Variants in CFAP300 observed in about 807,000 individuals in gnomAD.
CFAP300 encodes the protein cilia and flagella associated protein 300.
CFAP300 carries 32 observed loss-of-function variants against 33.0 expected under a neutral mutation model. The ratio of observed to expected loss-of-function variants is 0.97; its 90% CI spans 0.73 to 1.30. CFAP300 has a LOEUF of 1.30. Ranked by LOEUF, CFAP300 falls within the 50% of genes most tolerant of loss-of-function variation. CFAP300 has a pLI of 0.00. For missense variants in CFAP300, 356 were observed against 318.1 expected (o/e 1.12, Z -0.90); for synonymous variants, 102 against 106.8 (o/e 0.95, Z 0.28).
chr11:102,049,601 C>T (rs1941938620), intron 2 of CFAP300, among the ~76,000 whole-genome samples: 1 of 152,090 alleles, frequency 6.6e-6, no homozygotes, highest in East Asian at 1.9e-4. Flanking sequence ...TTCTCAAATA[C>T]TCATGGTTAG....
intron 3 of CFAP300, among the ~76,000 whole-genome samples, chr11:102,061,496 G>A (rs550084467): frequency 6.7e-4 from 102 of 152,180 alleles, no homozygotes; most frequent in African/African-American, 2.0e-3. Context: ...TCAGCCAGCC[G>A]CCATAGCTCC....
At chr11:102,074,676 G>A (rs535682338) in intron 4 of CFAP300, among the ~76,000 whole-genome samples, 13 of 149,798 alleles carry the variant, frequency 8.7e-5, no homozygotes, top group Non-Finnish European at 1.8e-4. Context: ...TATTATTTGG[G>A]TCTTATTATA....
At chr11:102,055,659 T>A (rs1471829517) in intron 2 of CFAP300, among the ~76,000 whole-genome samples, 2 of 144,734 alleles carry the variant, frequency 1.4e-5, no homozygotes, top group African/African-American at 5.2e-5. Context: ...TATACATTAC[T>A]CCTAAACTAC....
At chr11:102,078,810 G>A (rs1463887035) in intron 5 of CFAP300, among the ~76,000 whole-genome samples, 1 of 152,132 alleles carries the variant, frequency 6.6e-6, no homozygotes, top group East Asian at 1.9e-4. Flanking sequence ...CCGAGTTCAA[G>A]CAATTCTCGT....
At chr11:102,049,414 A>G (rs1394176645) in intron 2 of CFAP300, among the ~76,000 whole-genome samples, 1 of 152,160 alleles carries the variant, frequency 6.6e-6, no homozygotes, top group Non-Finnish European at 1.5e-5. Flanking sequence ...TACATCAGCA[A>G]CAACGCTAAT....
chr11:102,058,765 A>C (rs1360838669), intron 2 of CFAP300, 115 bp from the exon 3 acceptor site: 2 of 643,928 alleles, frequency 3.1e-6, no homozygotes, highest in African/African-American at 3.8e-5. Flanking sequence ...ACATTTTACC[A>C]ATTTAAAATT....
At chr11:102,070,110 A>G (rs1000526976) in intron 4 of CFAP300, among the ~76,000 whole-genome samples, 1 of 152,232 alleles carries the variant, frequency 6.6e-6, no homozygotes, top group Non-Finnish European at 1.5e-5. Context: ...CATGGGCCTC[A>G]ATAACACATC....
chr11:102,070,938 T>C (rs1464124381), intron 4 of CFAP300, among the ~76,000 whole-genome samples: 1 of 152,206 alleles, frequency 6.6e-6, no homozygotes, highest in East Asian at 1.9e-4. Flanking sequence ...TTTTTAAGTG[T>C]GTTGAGACTT....
intron 5 of CFAP300, among the ~76,000 whole-genome samples, chr11:102,076,458 G>A (rs1036141189): frequency 2.6e-5 from 4 of 152,200 alleles, no homozygotes; most frequent in Non-Finnish European, 5.9e-5. Flanking sequence ...GAATTTTCAC[G>A]TAGGTGTAAT....
chr11:102,076,183 C>A (rs1291114767), intron 5 of CFAP300, 138 bp downstream of exon 5: 7 of 808,128 alleles, frequency 8.7e-6, no homozygotes, highest in African/African-American at 3.6e-5. Context: ...CCTTACCCCC[C>A]TCTCATAACC....
chr11:102,051,215 A>G (rs1941964625), intron 2 of CFAP300, among the ~76,000 whole-genome samples: 1 of 152,212 alleles, frequency 6.6e-6, no homozygotes, highest in Non-Finnish European at 1.5e-5. Flanking sequence ...GGTACATACA[A>G]GTGGCAGTAT....
In CFAP300 at chr11:102,059,585, G is replaced by T. The variant is rs569404554; in HGVS notation, c.268+630G>T. On this transcript the variant is annotated intron_variant, in intron 3 of 6. Transcript: ENST00000434758. ...ATTGATTGGACCTGGGAGGTGGAGG[G>T]TTGCCGTGAGCTGAGATTGTGTCAC... 2.0e-5 allele frequency among the ~76,000 whole-genome samples: 3 copies of T among 152,132 alleles called. No individual in the cohort carries two copies. In the East Asian group the frequency reaches 5.8e-4, roughly 29 times the overall value.
intron 6 of CFAP300, among the ~76,000 whole-genome samples, chr11:102,082,248 C>T (rs990691763): frequency 4.0e-5 from 6 of 151,706 alleles, no homozygotes; most frequent in African/African-American, 1.5e-4. Context: ...TGGTGGGAGA[C>T]GCCTGTAATC....
intron 5 of CFAP300, among the ~76,000 whole-genome samples, chr11:102,076,947 TAGAAAC>T (rs931750783): frequency 4.6e-5 from 7 of 152,196 alleles, no homozygotes; most frequent in Admixed American, 3.9e-4. Flanking sequence ...GAAGATATGT[TAGAAAC>T]AGAATTTCAG....
At chr11:102,067,103 G>A (rs1274575984) in intron 4 of CFAP300, among the ~76,000 whole-genome samples, 1 of 152,190 alleles carries the variant, frequency 6.6e-6, no homozygotes, top group Non-Finnish European at 1.5e-5. Flanking sequence ...ACTTTGGGAG[G>A]CTGAGGCAGG....
At chr11:102,079,000 G>A (rs745898692) in intron 5 of CFAP300, among the ~76,000 whole-genome samples, 5 of 152,142 alleles carry the variant, frequency 3.3e-5, no homozygotes, top group African/African-American at 4.8e-5. Flanking sequence ...GTGAGCCACC[G>A]TGCCCGGCCG....
chr11:102,049,249 C>A (rs551803906), intron 2 of CFAP300, among the ~76,000 whole-genome samples: 5 of 152,296 alleles, frequency 3.3e-5, no homozygotes, highest in African/African-American at 1.2e-4. Flanking sequence ...GCGGTTGCCA[C>A]CCTCCCTTGG....
At chr11:102,057,036 TATAAA>T (rs947356916) in intron 2 of CFAP300, among the ~76,000 whole-genome samples, 46 of 151,932 alleles carry the variant, frequency 3.0e-4, no homozygotes, top group African/African-American at 8.9e-4. Context: ...GAAAAATAAT[TATAAA>T]ATAAAAAAGA....
At chr11:102,058,605 C>T (rs2135022611) in intron 2 of CFAP300, among the ~76,000 whole-genome samples, 1 of 150,156 alleles carries the variant, frequency 6.7e-6, no homozygotes, top group Admixed American at 6.7e-5. Context: ...ACAAAGTTTT[C>T]AAATATTATA....
Sources: gnomAD v4.1 joint callset for allele counts (sites outside exome capture counted in the v4.1 genomes callset) on GRCh38, gnomAD v4.1.1 for gene constraint, MANE v1.5 for transcripts, NCBI Gene and HGNC (gene_info 2026-07-23, HGNC 2026-07-21) for gene names.